Variants in FBXO8 observed in about 807,000 individuals in gnomAD.
FBXO8 encodes F-box only protein 8.
A neutral mutation model predicts 33.4 loss-of-function variants in FBXO8; 15 were observed. That is an observed-to-expected ratio of 0.45 (90% CI 0.30 to 0.69). The LOEUF (loss-of-function observed/expected upper bound fraction) is 0.69, where lower values mean the gene tolerates loss of function less well. Ranked by LOEUF, FBXO8 falls within the 30% of genes least tolerant of loss-of-function variation. The pLI is 0.08. For synonymous variants in FBXO8, 132 were observed against 131.5 expected, an observed-to-expected ratio of 1.00 and a Z score of -0.02; for missense variants, 274 against 380.3, an observed-to-expected ratio of 0.72 and a Z score of 2.32.
chr4:174,249,671 A>C (rs1022135198), intron 3 of FBXO8, among the ~76,000 whole-genome samples: 1 of 152,022 alleles, frequency 6.6e-6, no homozygotes, highest in African/African-American at 2.4e-5. Flanking sequence ...ACATGTATAT[A>C]CTTAATCATG....
At position 174,267,540 on chromosome 4, in the gene FBXO8, T is replaced by C. The variant is rs1427358269; in HGVS notation, c.-8-4440A>G. ...CCAGCCTGAGTGACAGAGTGAGACC[T>C]TGCCTCTAAAAAAAATTAAAATTAA... On this transcript the variant is annotated intron_variant, in intron 1 of 5. Coordinates refer to ENST00000393674, the MANE Select transcript of FBXO8 (RefSeq NM_012180.3). The surrounding 1 kb of genome is among the most constrained non-coding windows in gnomAD (Gnocchi z 4.7). Among the ~76,000 whole-genome samples the C allele has an allele frequency of 1.3e-5, 2 of 151,972 alleles. No individual in the cohort carries two copies. Among genetic ancestry groups the C allele is most frequent in the Non-Finnish European group, 2.9e-5 (2 of 67,992 alleles).
Position 174,277,380 on chromosome 4 carries a change from C to T in FBXO8, c.-9+6030G>A, listed in dbSNP as rs7699942. On this transcript the variant is annotated intron_variant, in intron 1 of 5. Transcript: ENST00000393674. The surrounding 1 kb of genome is among the most constrained non-coding windows in gnomAD (Gnocchi z 4.9). ...CTATCTCTCTGTAACAAGTTAAACA[C>T]CAAAATAAAGTAGTATTTATTAAGA... is the stretch of plus-strand genomic sequence containing the variant. 0.063 allele frequency among the ~76,000 whole-genome samples: 9,607 copies of T among 152,042 alleles called. 420 individuals are homozygous for T. The highest frequency in any genetic ancestry group is 0.21 in the South Asian group (1,020 of 4,818).
rs1737089985 is a variant in FBXO8 at position 174,281,653 on chromosome 4, C to T, written c.-9+1757G>A. Among the ~76,000 whole-genome samples, 3 of 152,136 alleles carry T rather than the reference C, an allele frequency of 2.0e-5. No homozygotes were observed. ...GCTACAGTGAGTCTTGTTCGCACCACTGCACTCCAGCCTGGGCAACAGAAT... is the reference window on the plus strand; with the variant it reads ...GCTACAGTGAGTCTTGTTCGCACCATTGCACTCCAGCCTGGGCAACAGAAT... On this transcript the variant is annotated intron_variant, in intron 1 of 5. Coordinates refer to ENST00000393674, the MANE Select transcript of FBXO8 (RefSeq NM_012180.3). The surrounding 1 kb of genome is among the most constrained non-coding windows in gnomAD (Gnocchi z 4.6).
At position 174,259,780 on chromosome 4, in the gene FBXO8, G is replaced by C. The variant is rs766975618; in HGVS notation, c.375C>G (p.Asn125Lys). The change falls in exon 3 of 6, where the codon AAC (asparagine) becomes AAG (lysine). Residue 125 changes from asparagine (N) to lysine (K), a missense_variant. Transcript: ENST00000393674. This position sits in a 1 kb window ranked among gnomAD's most constrained non-coding sequence, Gnocchi z 4.3. Reference protein sequence around the residue: ...TWGHCSIYNKNPPLGFSFRKL... With the variant: ...TWGHCSIYNKKPPLGFSFRKL... Reference sequence around the variant, plus strand: ...TTCTAAAAGAAAATCCTAAAGGTGGGTTCTTATTGTATATGGAACAGTGAC... The same window carrying C: ...TTCTAAAAGAAAATCCTAAAGGTGGCTTCTTATTGTATATGGAACAGTGAC... 6.2e-7 allele frequency: 1 copy of C among 1,611,586 alleles called. No individual in the cohort carries two copies. Among genetic ancestry groups the C allele is most frequent in the Admixed American group, 1.7e-5 (1 of 59,596 alleles).
chr4:174,246,559 A>G lies in FBXO8; in HGVS notation c.457-5341T>C, dbSNP rs1170767734. On this transcript the variant is annotated intron_variant, in intron 3 of 5. Coordinates refer to ENST00000393674, the MANE Select transcript of FBXO8 (RefSeq NM_012180.3). ...AAAATATATTAGTACAAAGGAGGAAAAAATGGCAAAATTAAAGGGAAAAAA... is the reference window on the plus strand; with the variant it reads ...AAAATATATTAGTACAAAGGAGGAAGAAATGGCAAAATTAAAGGGAAAAAA... 2.0e-5 allele frequency among the ~76,000 whole-genome samples: 3 copies of G among 151,626 alleles called. No homozygotes were observed. The East Asian group carries it at 5.9e-4, about 30-fold the overall frequency.
Position 174,263,855 on chromosome 4 carries a change from C to T in FBXO8, c.-8-755G>A, listed in dbSNP as rs1260065968. Among the ~76,000 whole-genome samples the T allele has an allele frequency of 6.6e-6, 1 of 152,132 alleles. No individual in the cohort carries two copies. The highest frequency in any genetic ancestry group is 1.5e-5 in the Non-Finnish European group (1 of 68,010). ...GAAGAAAGGTGTGCTCTAGTCTCCCCACTACCATCTGACCTCCCACCAGAG... is the reference window on the plus strand; with the variant it reads ...GAAGAAAGGTGTGCTCTAGTCTCCCTACTACCATCTGACCTCCCACCAGAG... On this transcript the variant is annotated intron_variant, in intron 1 of 5. Transcript: ENST00000393674. The surrounding 1 kb of genome is among the most constrained non-coding windows in gnomAD (Gnocchi z 4.2).
In FBXO8 at chr4:174,274,387, C is replaced by T. The variant is rs1185040162; in HGVS notation, c.-9+9023G>A. Among the ~76,000 whole-genome samples the T allele has an allele frequency of 6.6e-6, 1 of 152,186 alleles. No homozygotes were observed. The highest frequency in any genetic ancestry group is 1.5e-5 in the Non-Finnish European group (1 of 68,040). Reference sequence around the variant, plus strand: ...GTTTACAATAAAAGGTAGTTTCGTACTCATCCCTCTCGCCCTCTTTAAATG... The same window carrying T: ...GTTTACAATAAAAGGTAGTTTCGTATTCATCCCTCTCGCCCTCTTTAAATG... On this transcript the variant is annotated intron_variant, in intron 1 of 5. Transcript: ENST00000393674. This position sits in a 1 kb window ranked among gnomAD's most constrained non-coding sequence, Gnocchi z 4.0.
chr4:174,275,788 T>C lies in FBXO8; in HGVS notation c.-9+7622A>G, dbSNP rs1736947343. Among the ~76,000 whole-genome samples the C allele has an allele frequency of 6.6e-6, 1 of 152,194 alleles. No individual in the cohort carries two copies. Among genetic ancestry groups the C allele is most frequent in the Non-Finnish European group, 1.5e-5 (1 of 68,038 alleles). On this transcript the variant is annotated intron_variant, in intron 1 of 5. Coordinates refer to ENST00000393674, the MANE Select transcript of FBXO8 (RefSeq NM_012180.3). The surrounding 1 kb of genome is among the most constrained non-coding windows in gnomAD (Gnocchi z 4.4). The stretch of plus-strand genomic sequence containing the variant: ...CTACAACCTATGAATCATCTCTCAC[T>C]TCAGGTAAATTTGAATACATATGGA...
rs1461062778 is a variant in FBXO8 at position 174,263,792 on chromosome 4, C to T, written c.-8-692G>A. On this transcript the variant is annotated intron_variant, in intron 1 of 5. Coordinates refer to ENST00000393674, the MANE Select transcript of FBXO8 (RefSeq NM_012180.3). This position sits in a 1 kb window ranked among gnomAD's most constrained non-coding sequence, Gnocchi z 4.2. ...ATTTTCTAATTCTTCTCCACAAATC[C>T]CTATGGATTCTTCAGAAGTACCTGG... is the stretch of plus-strand genomic sequence containing the variant. Among the ~76,000 whole-genome samples the T allele has an allele frequency of 6.6e-6, 1 of 152,038 alleles. No homozygotes were observed.
In FBXO8 at chr4:174,265,726, C is replaced by T. The variant is rs1736682726; in HGVS notation, c.-8-2626G>A. Among the ~76,000 whole-genome samples, 1 of 152,032 alleles carries T rather than the reference C, an allele frequency of 6.6e-6. No homozygotes were observed. The highest frequency in any genetic ancestry group is 1.5e-5 in the Non-Finnish European group (1 of 67,970). On this transcript the variant is annotated intron_variant, in intron 1 of 5. Transcript: ENST00000393674. This position sits in a 1 kb window ranked among gnomAD's most constrained non-coding sequence, Gnocchi z 4.7. ...GAATGTCAACAAAAAATTATAAGTA[C>T]AAGTTTTATATTTGTTTAAATGTAC... is the stretch of plus-strand genomic sequence containing the variant.
Position 174,283,527 on chromosome 4 carries a change from T to C in FBXO8, c.-126A>G, listed in dbSNP as rs1035583075. 13 of 188,946 alleles carry C rather than the reference T, an allele frequency of 6.9e-5. No homozygotes were observed. The highest frequency in any genetic ancestry group is 1.2e-4 in the Non-Finnish European group (11 of 92,768). 11.7% of individuals were successfully genotyped at this position (188,946 alleles called of 1,614,324 possible). ...GTGCCCAGGCCATGGAGAAGCTGAT[T>C]CAAACTTTACTTGTCCACACCGGTA... On this transcript the variant is annotated 5_prime_UTR_variant, in exon 1 of 6. Transcript: ENST00000393674. This position sits in a 1 kb window ranked among gnomAD's most constrained non-coding sequence, Gnocchi z 6.7.
chr4:174,258,782 TC>T (rs1736474417), intron 3 of FBXO8, among the ~76,000 whole-genome samples: 1 of 152,046 alleles, frequency 6.6e-6, no homozygotes, highest in African/African-American at 2.4e-5. Context: ...TGTTTAAGAC[TC>T]AAATATTTTA....
At chr4:174,249,103 A>G (rs1736229545) in intron 3 of FBXO8, among the ~76,000 whole-genome samples, 1 of 152,132 alleles carries the variant, frequency 6.6e-6, no homozygotes, top group South Asian at 2.1e-4. Context: ...ACAGAAAAAG[A>G]ACATCTGTGA....
rs550496559 is a variant in FBXO8 at position 174,247,984 on chromosome 4, A to G, written c.457-6766T>C. On this transcript the variant is annotated intron_variant, in intron 3 of 5. Coordinates refer to ENST00000393674, the MANE Select transcript of FBXO8 (RefSeq NM_012180.3). This position sits in a 1 kb window ranked among gnomAD's most constrained non-coding sequence, Gnocchi z 4.6. ...GTTAAGGGAGGGTGGGCCTCACAGAATGTGAATAATTGACAATATTTATCT... is the reference window on the plus strand; with the variant it reads ...GTTAAGGGAGGGTGGGCCTCACAGAGTGTGAATAATTGACAATATTTATCT... Among the ~76,000 whole-genome samples the G allele has an allele frequency of 6.6e-6, 1 of 152,208 alleles. No individual in the cohort carries two copies. Among genetic ancestry groups the G allele is most frequent in the Non-Finnish European group, 1.5e-5 (1 of 67,970 alleles).
rs1416645230 is a variant in FBXO8, at chr4:174,275,348, G to C, written c.-9+8062C>G. Among the ~76,000 whole-genome samples, 1 of 152,086 alleles carries C rather than the reference G, an allele frequency of 6.6e-6. No individual in the cohort carries two copies. Among genetic ancestry groups the C allele is most frequent in the Non-Finnish European group, 1.5e-5 (1 of 68,004 alleles). On this transcript the variant is annotated intron_variant, in intron 1 of 5. Coordinates refer to ENST00000393674, the MANE Select transcript of FBXO8 (RefSeq NM_012180.3). The surrounding 1 kb of genome is among the most constrained non-coding windows in gnomAD (Gnocchi z 4.4). The stretch of plus-strand genomic sequence containing the variant: ...TCATACACACACATATGTACACTGA[G>C]TAAAAATAAAACTAGGGGAATATGA...
rs892494464 is a variant in FBXO8, at chr4:174,257,890, A to G, written c.456+1809T>C. Among the ~76,000 whole-genome samples, 4 of 151,834 alleles carry G rather than the reference A, an allele frequency of 2.6e-5. No homozygotes were observed. Among genetic ancestry groups the G allele is most frequent in the African/African-American group, 9.7e-5 (4 of 41,318 alleles). ...CAAGAATGCACCACAATGCCTAGCT[A>G]ATTTTTTAAAAATTTTTTGTGGAGA... On this transcript the variant is annotated intron_variant, in intron 3 of 5. Coordinates refer to ENST00000393674, the MANE Select transcript of FBXO8 (RefSeq NM_012180.3). The surrounding 1 kb of genome is among the most constrained non-coding windows in gnomAD (Gnocchi z 4.3).
chr4:174,240,976 T>C, intron 4 of FBXO8, 124 bp downstream of exon 4: 1 of 526,432 alleles, frequency 1.9e-6, no homozygotes, highest in Admixed American at 3.6e-5. Context: ...AGGAATCTTT[T>C]CCCTGTCTTT....
At position 174,256,031 on chromosome 4, in the gene FBXO8, A is replaced by G. The variant is rs1238492960; in HGVS notation, c.456+3668T>C. ...CAGCGTGCCAGATTATCGTACCACAAACTGTGCAGATGTTCTCCCCCACCC... is the reference window on the plus strand; with the variant it reads ...CAGCGTGCCAGATTATCGTACCACAGACTGTGCAGATGTTCTCCCCCACCC... On this transcript the variant is annotated intron_variant, in intron 3 of 5. Coordinates refer to ENST00000393674, the MANE Select transcript of FBXO8 (RefSeq NM_012180.3). This position sits in a 1 kb window ranked among gnomAD's most constrained non-coding sequence, Gnocchi z 4.6. 1 of 454,550 alleles carries G rather than the reference A, an allele frequency of 2.2e-6. No homozygotes were observed. 28.2% of individuals were successfully genotyped at this position (454,550 alleles called of 1,614,324 possible). A position where few individuals can be genotyped will look rare whatever the true frequency, so the allele number is the denominator to read the frequency against.
At position 174,254,143 on chromosome 4, in the gene FBXO8, G is replaced by A. The variant is rs1243941081; in HGVS notation, c.456+5556C>T. 2.0e-5 allele frequency among the ~76,000 whole-genome samples: 3 copies of A among 152,212 alleles called. No homozygotes were observed. The highest frequency in any genetic ancestry group is 1.3e-4 in the Admixed American group (2 of 15,274). On this transcript the variant is annotated intron_variant, in intron 3 of 5. Coordinates refer to ENST00000393674, the MANE Select transcript of FBXO8 (RefSeq NM_012180.3). This position sits in a 1 kb window ranked among gnomAD's most constrained non-coding sequence, Gnocchi z 4.2. ...AGTCATAAAATGTGGAACATGCTGA[G>A]TCGAGCAGCATAATGAAGGGTGCTG...
Sources: allele counts gnomAD v4.1 joint callset (sites outside exome capture counted in the v4.1 genomes callset), GRCh38; gene constraint gnomAD v4.1.1; non-coding constraint Gnocchi (gnomAD v3.1); transcripts MANE v1.5; gene names NCBI Gene and HGNC (gene_info 2026-07-23, HGNC 2026-07-21).